The following TLE4 variants were observed in gnomAD, a reference collection of about 807,000 sequenced individuals.
The protein encoded by TLE4 is TLE family member 4, transcriptional corepressor.
A neutral mutation model predicts 92.8 loss-of-function variants in TLE4; 8 were observed. That is an observed-to-expected ratio of 0.09 (90% confidence interval 0.05 to 0.16). The LOEUF is 0.16. Ranked by LOEUF, TLE4 falls within the 10% of genes least tolerant of loss-of-function variation. The pLI is 1.00. For missense variants in TLE4, 675 were observed against 997.6 expected (o/e 0.68, Z 4.36); for synonymous variants, 371 against 374.1 (o/e 0.99, Z 0.10).
At chr9:79,682,881 G>A (rs1036027837) in intron 8 of TLE4, among the ~76,000 whole-genome samples, 1 of 152,170 alleles carries the variant, frequency 6.6e-6, no homozygotes, top group Admixed American at 6.5e-5. Context: ...TGTTATGATC[G>A]TTGTGGTGAC....
intron 8 of TLE4, chr9:79,671,197 T>C (rs1228502217): frequency 1.3e-5 from 6 of 453,840 alleles, no homozygotes; most frequent in Non-Finnish European, 2.7e-5. Flanking sequence ...GTGACTTTTA[T>C]GTATTTTACA....
chr9:79,724,197 GC>G (rs1159781230), intron 19 of TLE4, among the ~76,000 whole-genome samples: 1 of 149,966 alleles, frequency 6.7e-6, no homozygotes, highest in African/African-American at 2.5e-5. Context: ...TATTCTCAGT[GC>G]CATTTCTCAT....
intron 8 of TLE4, among the ~76,000 whole-genome samples, chr9:79,688,710 T>A (rs1444189650): frequency 1.3e-5 from 2 of 151,672 alleles, no homozygotes; most frequent in African/African-American, 4.8e-5. Flanking sequence ...GTATAAAACA[T>A]CAAAGCCTCG....
intron 6 of TLE4, among the ~76,000 whole-genome samples, chr9:79,639,717 AC>A (rs1400261609): frequency 6.6e-6 from 1 of 152,184 alleles, no homozygotes; most frequent in Non-Finnish European, 1.5e-5. Flanking sequence ...CAGTGCAGTA[AC>A]ATGCTGTTCA....
At chr9:79,709,565 T>TAA (rs2072684045) in intron 13 of TLE4, 58 bp from the exon 14 acceptor site, 5 of 1,496,042 alleles carry the variant, frequency 3.3e-6, no homozygotes, top group African/African-American at 2.8e-5. Context: ...TTGAGAAGGA[T>TAA]AAAACAAGTC....
chr9:79,701,751 A>G (rs2069963220), intron 8 of TLE4, among the ~76,000 whole-genome samples: 1 of 152,212 alleles, frequency 6.6e-6, no homozygotes, highest in Non-Finnish European at 1.5e-5. Context: ...GGAATGTATC[A>G]TAAGAGATTT....
intron 8 of TLE4, among the ~76,000 whole-genome samples, chr9:79,691,536 G>A (rs948800937): frequency 4.6e-5 from 7 of 151,972 alleles, no homozygotes; most frequent in African/African-American, 1.2e-4. Context: ...ACACCTCACC[G>A]TGTGCTGGGC....
chr9:79,681,957 A>C lies in TLE4; in HGVS notation c.610-22826A>C, dbSNP rs1167693095. 2.6e-5 allele frequency among the ~76,000 whole-genome samples: 4 copies of C among 151,934 alleles called. No individual in the cohort carries two copies. In the East Asian group the frequency reaches 7.7e-4, roughly 29 times the overall value. On this transcript the variant is annotated intron_variant, in intron 8 of 19. Coordinates refer to ENST00000376552, the MANE Select transcript of TLE4 (RefSeq NM_007005.6). ...TGGATAGCATAAGAAAATGTTACCA[A>C]AAGAGTGAAATCTTGATTAGTTTGA...
intron 6 of TLE4, among the ~76,000 whole-genome samples, chr9:79,646,668 A>G (rs780046481): frequency 2.0e-5 from 3 of 152,170 alleles, no homozygotes; most frequent in Non-Finnish European, 4.4e-5. Context: ...AAAATTTGCA[A>G]AGAAGCTTAA....
chr9:79,725,953 C>T lies in TLE4; in HGVS notation c.*809C>T, dbSNP rs1221208156. 6.6e-6 allele frequency: 1 copy of T among 152,562 alleles called. No individual in the cohort carries two copies. The highest frequency in any genetic ancestry group is 1.5e-5 in the Non-Finnish European group (1 of 68,030). 9.5% of individuals were successfully genotyped at this position (152,562 alleles called of 1,614,324 possible). A position where few individuals can be genotyped will look rare whatever the true frequency, so the allele number is the denominator to read the frequency against. On this transcript the variant is annotated 3_prime_UTR_variant, in exon 20 of 20. Transcript: ENST00000376552. ...CCTCAAAGAGAGAACTTACTCCCTTCTGGATATTTTTGCCACATTTCTTTG... is the reference window on the plus strand; with the variant it reads ...CCTCAAAGAGAGAACTTACTCCCTTTTGGATATTTTTGCCACATTTCTTTG...
intron 6 of TLE4, among the ~76,000 whole-genome samples, chr9:79,632,988 A>G (rs117321178): frequency 1.6e-3 from 239 of 152,328 alleles, no homozygotes; most frequent in Non-Finnish European, 3.0e-3. Flanking sequence ...ACACCAAAGC[A>G]GTTTTACATC....
intron 4 of TLE4, among the ~76,000 whole-genome samples, chr9:79,604,836 T>C (rs899083363): frequency 1.3e-5 from 2 of 152,170 alleles, no homozygotes; most frequent in Non-Finnish European, 2.9e-5. Context: ...ATTTTGATCA[T>C]ACATATATGT....
At position 79,616,149 on chromosome 9, in the gene TLE4, T is replaced by C. The variant is rs145841834; in HGVS notation, c.315+3431T>C. Among the ~76,000 whole-genome samples, 943 of 152,292 alleles carry C rather than the reference T, an allele frequency of 6.2e-3. 7 individuals are homozygous for C. The highest frequency in any genetic ancestry group is 0.021 in the African/African-American group (868 of 41,558). ...TCGGTCTCATTTGCAGGGGAAGAAC[T>C]ATAAATATCAACTCTGAGTTGGCAG... On this transcript the variant is annotated intron_variant, in intron 5 of 19. Coordinates refer to ENST00000376552, the MANE Select transcript of TLE4 (RefSeq NM_007005.6).
intron 8 of TLE4, among the ~76,000 whole-genome samples, chr9:79,699,340 A>C (rs2069122619): frequency 6.6e-6 from 1 of 152,182 alleles, no homozygotes; most frequent in African/African-American, 2.4e-5. Context: ...CACCAAAAAC[A>C]AACTCAACTT....
At chr9:79,710,206 A>G (rs1347521264) in intron 14 of TLE4, among the ~76,000 whole-genome samples, 1 of 152,222 alleles carries the variant, frequency 6.6e-6, no homozygotes, top group African/African-American at 2.4e-5. Flanking sequence ...ACAAAACACA[A>G]CACACCAGTT....
chr9:79,702,047 G>A (rs759546587), intron 8 of TLE4, among the ~76,000 whole-genome samples: 2 of 152,184 alleles, frequency 1.3e-5, no homozygotes, highest in Non-Finnish European at 1.5e-5. Flanking sequence ...AAGGATAGTG[G>A]GGGATTTCAA....
intron 4 of TLE4, among the ~76,000 whole-genome samples, chr9:79,589,056 G>A (rs1221029860): frequency 6.6e-6 from 1 of 152,176 alleles, no homozygotes. Context: ...CTGGGATGCT[G>A]CTGAACATCT....
intron 4 of TLE4, among the ~76,000 whole-genome samples, chr9:79,583,960 C>T (rs1362627359): frequency 6.6e-6 from 1 of 152,154 alleles, no homozygotes; most frequent in Non-Finnish European, 1.5e-5. Context: ...TACTGGCCTC[C>T]TTTAATAGAT....
At chr9:79,627,846 G>T (rs1283663810) in intron 6 of TLE4, 1 of 166,480 alleles carries the variant, frequency 6.0e-6, no homozygotes, top group Non-Finnish European at 1.3e-5. Flanking sequence ...TTTTAATGAG[G>T]TGTACATTTT....
Sources: gnomAD v4.1 joint callset for allele counts (sites outside exome capture counted in the v4.1 genomes callset) on GRCh38, gnomAD v4.1.1 for gene constraint, MANE v1.5 for transcripts, NCBI Gene and HGNC (gene_info 2026-07-23, HGNC 2026-07-21) for gene names.